CERT1: variants seen among roughly 807,000 people sequenced by gnomAD.
CERT1 encodes ceramide transfer protein.
A neutral mutation model predicts 87.9 loss-of-function variants in CERT1; 31 were observed. That is an observed-to-expected ratio of 0.35 (90% CI 0.27 to 0.48). CERT1 has a LOEUF of 0.48. CERT1 is among the 20% of genes least tolerant of loss of function. The pLI, the probability that CERT1 is intolerant of heterozygous loss-of-function variation, is 0.99. For missense variants in CERT1, 487 were observed against 758.0 expected (o/e 0.64, Z 4.20); for synonymous variants, 289 against 250.9 (o/e 1.15, Z -1.44).
chr5:75,471,819 A>G (rs1765725688), intron 2 of CERT1, among the ~76,000 whole-genome samples: 1 of 151,854 alleles, frequency 6.6e-6, no homozygotes, highest in Non-Finnish European at 1.5e-5. Flanking sequence ...TGTGTGACAC[A>G]TGACTGTATT....
intron 2 of CERT1, among the ~76,000 whole-genome samples, chr5:75,468,968 A>G (rs188278270): frequency 5.9e-5 from 9 of 152,332 alleles, no homozygotes; most frequent in African/African-American, 2.2e-4. Flanking sequence ...GACAAACCCA[A>G]AAGAGATGGA....
At chr5:75,458,561 T>C (rs954739926) in intron 3 of CERT1, among the ~76,000 whole-genome samples, 1 of 152,172 alleles carries the variant, frequency 6.6e-6, no homozygotes, top group African/African-American at 2.4e-5. Flanking sequence ...ATTTATCTTT[T>C]TTTTTTTTGA....
chr5:75,438,190 C>A (rs1764175642), intron 3 of CERT1, among the ~76,000 whole-genome samples: 1 of 152,008 alleles, frequency 6.6e-6, no homozygotes, highest in Non-Finnish European at 1.5e-5. Context: ...TTTAATTTCT[C>A]TCAAAAATCG....
At chr5:75,490,054 G>T (rs7704261) in intron 2 of CERT1, among the ~76,000 whole-genome samples, 6,716 of 152,256 alleles carry the variant, frequency 0.044, 478 homozygotes, top group African/African-American at 0.15. Context: ...TAGGGACATG[G>T]ATGAACGTGG....
chr5:75,417,160 T>G (rs1252854227), intron 6 of CERT1, 127 bp from the exon 7 acceptor site: 1 of 667,922 alleles, frequency 1.5e-6, no homozygotes, highest in Non-Finnish European at 2.5e-6. Flanking sequence ...TTTCCTCCTG[T>G]AGGCCAACAT....
intron 2 of CERT1, among the ~76,000 whole-genome samples, chr5:75,460,565 CCT>C (rs1471793279): frequency 3.3e-5 from 5 of 152,218 alleles, no homozygotes; most frequent in Admixed American, 3.3e-4. Context: ...ACATTTACCA[CCT>C]CTTTTTCCAC....
At chr5:75,445,425 TTTTG>T (rs1268313146) in intron 3 of CERT1, among the ~76,000 whole-genome samples, 7 of 152,246 alleles carry the variant, frequency 4.6e-5, no homozygotes, top group African/African-American at 1.4e-4. Flanking sequence ...TTCCCTTAGC[TTTTG>T]TTTATTTGGG....
chr5:75,495,779 A>G (rs1767032665), intron 2 of CERT1, among the ~76,000 whole-genome samples: 1 of 152,232 alleles, frequency 6.6e-6, no homozygotes, highest in African/African-American at 2.4e-5. Flanking sequence ...TACACAAAAC[A>G]TAGAAAAAAG....
chr5:75,409,749 G>A (rs986363632), intron 8 of CERT1, among the ~76,000 whole-genome samples: 9 of 151,342 alleles, frequency 5.9e-5, no homozygotes, highest in Non-Finnish European at 1.2e-4. Flanking sequence ...GGCTGGTCTC[G>A]AGCTCTTGAC....
Position 75,441,910 on chromosome 5 carries a change from G to A in CERT1, c.349-15432C>T, listed in dbSNP as rs1157603159. Reference sequence around the variant, plus strand: ...TCAAGATCCCTCTTTCATTTCTTTTGGGTAAATACCCAGAAGTGGTAGATC... The same window carrying A: ...TCAAGATCCCTCTTTCATTTCTTTTAGGTAAATACCCAGAAGTGGTAGATC... On this transcript the variant is annotated intron_variant, in intron 3 of 16. Coordinates refer to ENST00000643780, the MANE Select transcript of CERT1 (RefSeq NM_001379029.1). Among the ~76,000 whole-genome samples the A allele has an allele frequency of 2.0e-5, 3 of 152,118 alleles. No individual in the cohort carries two copies. In the East Asian group the frequency reaches 5.8e-4, roughly 29 times the overall value.
chr5:75,455,406 C>A (rs1460817864), intron 3 of CERT1, among the ~76,000 whole-genome samples: 2 of 152,150 alleles, frequency 1.3e-5, no homozygotes, highest in Admixed American at 1.3e-4. Flanking sequence ...CAGGAATAAA[C>A]AAACTTATTT....
At chr5:75,416,768 T>A in intron 7 of CERT1, 108 bp downstream of exon 7, 1 of 969,492 alleles carries the variant, frequency 1.0e-6, no homozygotes, top group Non-Finnish European at 1.5e-6. Flanking sequence ...ATCTGCTATT[T>A]CTATCAACCC....
chr5:75,401,035 T>C (rs1391828062), intron 9 of CERT1: 3 of 152,230 alleles, frequency 2.0e-5, no homozygotes, highest in Non-Finnish European at 4.4e-5. Flanking sequence ...CTGTGCAATA[T>C]ACACTGAATA....
intron 2 of CERT1, among the ~76,000 whole-genome samples, chr5:75,487,590 T>A (rs1766580441): frequency 6.6e-6 from 1 of 152,026 alleles, no homozygotes; most frequent in African/African-American, 2.4e-5. Context: ...AAGGGATTAA[T>A]AACCAGAATA....
At chr5:75,431,004 G>A (rs529125059) in intron 3 of CERT1, among the ~76,000 whole-genome samples, 60 of 152,304 alleles carry the variant, frequency 3.9e-4, no homozygotes, top group Non-Finnish European at 3.7e-4. Flanking sequence ...TTGTGCCACT[G>A]TACTCCAGTC....
At chr5:75,384,519 A>C in intron 14 of CERT1, 123 bp downstream of exon 14, 4 of 624,832 alleles carry the variant, frequency 6.4e-6, no homozygotes, top group Non-Finnish European at 1.1e-5. Context: ...ATGAATCATT[A>C]TTTAATAAAG....
At chr5:75,460,152 T>C (rs1359703100) in intron 2 of CERT1, among the ~76,000 whole-genome samples, 2 of 152,064 alleles carry the variant, frequency 1.3e-5, no homozygotes, top group African/African-American at 4.8e-5. Flanking sequence ...GAGTAGACAT[T>C]TACTACTTTT....
intron 8 of CERT1, among the ~76,000 whole-genome samples, chr5:75,409,967 AT>A (rs745565582): frequency 1.1e-4 from 17 of 151,870 alleles, no homozygotes; most frequent in Non-Finnish European, 2.1e-4. Flanking sequence ...TACCCAGATA[AT>A]TTTTGTTATT....
At chr5:75,490,777 C>T (rs1303890462) in intron 2 of CERT1, among the ~76,000 whole-genome samples, 5 of 152,144 alleles carry the variant, frequency 3.3e-5, no homozygotes, top group African/African-American at 1.2e-4. Flanking sequence ...GGATTACAGG[C>T]GTGAGCCACT....
Sources: gnomAD v4.1 joint callset for allele counts (sites outside exome capture counted in the v4.1 genomes callset) on GRCh38, gnomAD v4.1.1 for gene constraint, MANE v1.5 for transcripts, NCBI Gene and HGNC (gene_info 2026-07-23, HGNC 2026-07-21) for gene names.